LIN7A: variants seen among roughly 807,000 people sequenced by gnomAD.
LIN7A encodes the protein lin-7 cell polarity scaffold A.
In LIN7A, 25 loss-of-function variants were observed where a neutral mutation model predicts 29.8. That is an observed-to-expected ratio of 0.84 (90% CI 0.61 to 1.17). The LOEUF is 1.17. Ranked by LOEUF, LIN7A falls within the 50% of genes most tolerant of loss-of-function variation. The probability of loss-of-function intolerance (pLI) is 0.00; values close to 1 mark genes in which losing one functional copy is unlikely to be tolerated. For missense variants in LIN7A, 239 were observed against 287.0 expected (o/e 0.83, Z 1.21); for synonymous variants, 118 against 107.5 (o/e 1.10, Z -0.60).
intron 4 of LIN7A, among the ~76,000 whole-genome samples, chr12:80,822,644 T>C (rs1871864157): frequency 6.6e-6 from 1 of 152,064 alleles, no homozygotes; most frequent in Non-Finnish European, 1.5e-5. Context: ...CCACAACACA[T>C]GGGCATTATG....
chr12:80,867,152 A>G (rs774754112), intron 2 of LIN7A, among the ~76,000 whole-genome samples: 1 of 152,060 alleles, frequency 6.6e-6, no homozygotes, highest in African/African-American at 2.4e-5. Flanking sequence ...GGGTCTTGCC[A>G]TGTTGACCAG....
At chr12:80,860,027 AT>A (rs1738353160) in intron 2 of LIN7A, among the ~76,000 whole-genome samples, 1 of 152,208 alleles carries the variant, frequency 6.6e-6, no homozygotes. Flanking sequence ...ATCATAATTC[AT>A]TTAATCAATC....
chr12:80,817,248 G>T (rs1871579391), intron 4 of LIN7A, among the ~76,000 whole-genome samples: 1 of 151,932 alleles, frequency 6.6e-6, no homozygotes. Flanking sequence ...CTACATACAT[G>T]AATTTGCTCA....
In LIN7A at chr12:80,795,411, T is replaced by C. The variant is rs571884111; in HGVS notation, c.*2316A>G. The C allele has an allele frequency of 1.6e-4, 25 of 152,256 alleles. No individual in the cohort carries two copies. The highest frequency in any genetic ancestry group is 6.0e-4 in the African/African-American group (25 of 41,562). The allele number at this position is 152,256 out of a possible 1,614,324, so 9.4% of individuals were successfully genotyped here. ...TTCTTTACTTTGACAAACAATCTGG[T>C]ATGCCTTTATCAGCACTTAACATTA... is the stretch of plus-strand genomic sequence containing the variant. On this transcript the variant is annotated 3_prime_UTR_variant, in exon 6 of 6. Transcript: ENST00000552864.
intron 2 of LIN7A, among the ~76,000 whole-genome samples, chr12:80,876,591 G>A (rs1874714269): frequency 6.6e-6 from 1 of 152,094 alleles, no homozygotes; most frequent in South Asian, 2.1e-4. Flanking sequence ...ATGAAAGGAT[G>A]TTTCACAGAA....
At chr12:80,841,354 AGG>A (rs1315016508) in intron 4 of LIN7A, among the ~76,000 whole-genome samples, 51 of 34,562 alleles carry the variant, frequency 1.5e-3, no homozygotes, top group African/African-American at 3.8e-3. Context: ...GAAGGAAGGA[AGG>A]AAGGAAGGAA....
intron 1 of LIN7A, chr12:80,937,036 G>T (rs998222916): frequency 6.6e-6 from 1 of 152,194 alleles, no homozygotes; most frequent in African/African-American, 2.4e-5. Context: ...GGCTCCCCGC[G>T]CTCTGCCTTG....
chr12:80,835,356 A>C (rs1364645200), intron 4 of LIN7A, among the ~76,000 whole-genome samples: 1 of 152,130 alleles, frequency 6.6e-6, no homozygotes, highest in Non-Finnish European at 1.5e-5. Context: ...GGAAAGGTAG[A>C]CAGGACAGGT....
rs368127550 is a variant in LIN7A, at chr12:80,879,371, CATTT to C, written c.201+9876_201+9879del. 6.6e-5 allele frequency among the ~76,000 whole-genome samples: 10 copies of C among 152,070 alleles called. 1 individual carries two copies. Among genetic ancestry groups the C allele is most frequent in the African/African-American group, 1.7e-4 (7 of 41,486 alleles). ...CACTCATGTGTGTAAATGTTCATAT[CATTT>C]ATTTATTTGTTTGCATTTGTCATTG... is the stretch of plus-strand genomic sequence containing the variant. On this transcript the variant is annotated intron_variant, in intron 2 of 5. Coordinates refer to ENST00000552864, the MANE Select transcript of LIN7A (RefSeq NM_004664.4).
Position 80,808,348 on chromosome 12 carries a change from G to A in LIN7A, c.*3117C>T, listed in dbSNP as rs143923409. ...CCCAATAGGATATTTTTATTTACTT[G>A]TTTATTTGTTTATTAACTATCTCCT... On this transcript the variant is annotated intron_variant, in intron 5 of 5. Transcript: ENST00000552864. Among the ~76,000 whole-genome samples the A allele has an allele frequency of 8.8e-3, 1,341 of 152,064 alleles. 6 individuals are homozygous for A. The highest frequency in any genetic ancestry group is 0.014 in the Non-Finnish European group (944 of 67,994).
Position 80,894,265 on chromosome 12 carries a change from G to A in LIN7A, c.83-4896C>T, listed in dbSNP as rs559847197. On this transcript the variant is annotated intron_variant, in intron 1 of 5. Transcript: ENST00000552864. The stretch of plus-strand genomic sequence containing the variant: ...GTAACAGAGAAGTTTGCGTTTACTG[G>A]TATAACTCAGATCAAGAGGAATATT... Among the ~76,000 whole-genome samples, 16 of 152,188 alleles carry A rather than the reference G, an allele frequency of 1.1e-4. No homozygotes were observed. In the East Asian group the frequency reaches 2.9e-3, roughly 28 times the overall value.
intron 1 of LIN7A, among the ~76,000 whole-genome samples, chr12:80,923,437 T>C (rs1203421847): frequency 6.6e-6 from 1 of 152,202 alleles, no homozygotes; most frequent in Non-Finnish European, 1.5e-5. Flanking sequence ...ACACTGTCTA[T>C]GGGTATTTTT....
At chr12:80,876,467 C>T (rs140007402) in intron 2 of LIN7A, among the ~76,000 whole-genome samples, 18 of 152,156 alleles carry the variant, frequency 1.2e-4, no homozygotes, top group African/African-American at 3.1e-4. Context: ...ATGAAAGATA[C>T]CTTGAAGACA....
rs568537914 is a variant in LIN7A, at chr12:80,866,791, C to T, written c.202-18469G>A. ...GGAATTAGTTCAGAGACCATTTTTT[C>T]ATGAAGAACACCAGGTTTTTACACC... On this transcript the variant is annotated intron_variant, in intron 2 of 5. Coordinates refer to ENST00000552864, the MANE Select transcript of LIN7A (RefSeq NM_004664.4). Among the ~76,000 whole-genome samples, 4 of 151,948 alleles carry T rather than the reference C, an allele frequency of 2.6e-5. No homozygotes were observed. The South Asian group carries it at 8.3e-4, about 31-fold the overall frequency.
At chr12:80,811,407 A>G in intron 5 of LIN7A, 58 bp downstream of exon 5, 1 of 673,070 alleles carries the variant, frequency 1.5e-6, no homozygotes, top group South Asian at 1.7e-5. Flanking sequence ...ATATATACAT[A>G]TATGTGTGTG....
At chr12:80,812,994 G>A (rs886975545) in intron 4 of LIN7A, among the ~76,000 whole-genome samples, 2 of 152,078 alleles carry the variant, frequency 1.3e-5, no homozygotes, top group African/African-American at 2.4e-5. Context: ...AGTATAGACC[G>A]ACATAAAAAT....
chr12:80,846,402 T>A (rs1017003651), intron 3 of LIN7A, among the ~76,000 whole-genome samples: 4 of 152,212 alleles, frequency 2.6e-5, no homozygotes, highest in Non-Finnish European at 5.9e-5. Context: ...AAGTATTTTT[T>A]TAATAAATTG....
rs1388101209 is a variant in LIN7A, at chr12:80,825,072, C to T, written c.484-13389G>A. On this transcript the variant is annotated intron_variant, in intron 4 of 5. Transcript: ENST00000552864. Reference sequence around the variant, plus strand: ...CAGTCAAGAGGAGCTCAAACTGCTGCGATTTGCTGATAATATGATTGTATA... The same window carrying T: ...CAGTCAAGAGGAGCTCAAACTGCTGTGATTTGCTGATAATATGATTGTATA... Among the ~76,000 whole-genome samples the T allele has an allele frequency of 3.3e-5, 5 of 152,202 alleles. 1 individual carries two copies. The highest frequency in any genetic ancestry group is 6.8e-3 in the Middle Eastern group (2 of 294).
intron 2 of LIN7A, among the ~76,000 whole-genome samples, chr12:80,856,469 G>T (rs1873604705): frequency 6.6e-6 from 1 of 152,184 alleles, no homozygotes; most frequent in African/African-American, 2.4e-5. Context: ...TGGAGAGGAA[G>T]CATTCCTCCT....
Sources: allele counts gnomAD v4.1 joint callset (sites outside exome capture counted in the v4.1 genomes callset), GRCh38; gene constraint gnomAD v4.1.1; transcripts MANE v1.5; gene names NCBI Gene and HGNC (gene_info 2026-07-23, HGNC 2026-07-21).